PPHLN1: variants seen among roughly 807,000 people sequenced by gnomAD.
PPHLN1 encodes the protein periphilin 1, also known as periphilin-1.
In PPHLN1, 29 loss-of-function variants were observed where a neutral mutation model predicts 51.3. That is an observed-to-expected ratio of 0.57 (90% CI 0.42 to 0.77). The LOEUF is 0.77. PPHLN1 is among the 30% of genes least tolerant of loss of function. The pLI, the probability that PPHLN1 is intolerant of heterozygous loss-of-function variation, is 0.00. For missense variants in PPHLN1, 436 were observed against 438.4 expected, an observed-to-expected ratio of 0.99 and a Z score of 0.05; for synonymous variants, 147 against 147.8, an observed-to-expected ratio of 0.99 and a Z score of 0.04.
At chr12:42,427,756 G>A (rs1453119951) in intron 9 of PPHLN1, among the ~76,000 whole-genome samples, 3 of 152,156 alleles carry the variant, frequency 2.0e-5, no homozygotes, top group African/African-American at 7.2e-5. Flanking sequence ...AAGATAAATA[G>A]CTGAGACTTA....
At chr12:42,447,683 A>G (rs1450480856), downstream of PPHLN1, 6 of 152,112 alleles carry the variant, frequency 3.9e-5, no homozygotes, top group Non-Finnish European at 7.3e-5. Context: ...ATTCTCTCTC[A>G]CTTGAATTCT....
At chr12:42,360,630 G>T (rs2074566032) in intron 4 of PPHLN1, among the ~76,000 whole-genome samples, 1 of 151,728 alleles carries the variant, frequency 6.6e-6, no homozygotes, top group Non-Finnish European at 1.5e-5. Context: ...AAGTAGCTGG[G>T]ACTACAGGCG....
chr12:42,431,054 C>A (rs2081993636), intron 9 of PPHLN1, among the ~76,000 whole-genome samples: 5 of 152,160 alleles, frequency 3.3e-5, no homozygotes, highest in Admixed American at 2.6e-4. Context: ...ATACTGTACA[C>A]TTTAATAAAT....
chr12:42,348,266 C>T (rs975047149), intron 2 of PPHLN1, among the ~76,000 whole-genome samples: 1 of 134,818 alleles, frequency 7.4e-6, no homozygotes, highest in African/African-American at 2.8e-5. Context: ...ATGCACACCT[C>T]ACCTGGCTAA....
chr12:42,394,960 A>T (rs1287208979), intron 8 of PPHLN1, among the ~76,000 whole-genome samples: 2 of 152,094 alleles, frequency 1.3e-5, no homozygotes, highest in African/African-American at 4.8e-5. Context: ...TTAATACTTC[A>T]TCTCCAATTA....
downstream of PPHLN1, chr12:42,445,920 A>G: frequency 6.9e-7 from 1 of 1,452,508 alleles, no homozygotes; most frequent in Non-Finnish European, 9.1e-7. Context: ...GGCATGGTCC[A>G]AATGTTTTGC....
At chr12:42,398,206 A>G (rs997339337) in intron 8 of PPHLN1, among the ~76,000 whole-genome samples, 3 of 152,110 alleles carry the variant, frequency 2.0e-5, no homozygotes, top group African/African-American at 7.2e-5. Context: ...ATATTTATTC[A>G]TTTTTAATTA....
chr12:42,342,117 A>G (rs778379753), intron 2 of PPHLN1, among the ~76,000 whole-genome samples: 8 of 152,224 alleles, frequency 5.3e-5, no homozygotes, highest in Non-Finnish European at 1.2e-4. Flanking sequence ...CTACACTTCT[A>G]GGTACCTGTA....
intron 4 of PPHLN1, among the ~76,000 whole-genome samples, chr12:42,357,349 A>C (rs2074157398): frequency 6.6e-6 from 1 of 152,210 alleles, no homozygotes; most frequent in Non-Finnish European, 1.5e-5. Context: ...AAAGATGTGA[A>C]GACTCAAGAT....
At chr12:42,372,321 T>C (rs563900128) in intron 4 of PPHLN1, among the ~76,000 whole-genome samples, 4 of 152,290 alleles carry the variant, frequency 2.6e-5, no homozygotes, top group East Asian at 1.9e-4. Flanking sequence ...ATCCCCCAAG[T>C]GTATCCTGCC....
At chr12:42,446,407 T>C, downstream of PPHLN1, 1 of 1,417,316 alleles carries the variant, frequency 7.1e-7, no homozygotes, top group Non-Finnish European at 9.4e-7. Flanking sequence ...CGTCTAGCAG[T>C]GTGACTTTTT....
At chr12:42,434,716 C>T (rs138220748) in intron 9 of PPHLN1, among the ~76,000 whole-genome samples, 157 of 152,232 alleles carry the variant, frequency 1.0e-3, no homozygotes, top group African/African-American at 3.6e-3. Context: ...TTTTTTGAGA[C>T]GGAGTCTTGC....
At chr12:42,405,145 T>C (rs1158475487) in intron 9 of PPHLN1, among the ~76,000 whole-genome samples, 1 of 152,260 alleles carries the variant, frequency 6.6e-6, no homozygotes, top group Non-Finnish European at 1.5e-5. Context: ...GTTTTGCTTG[T>C]ATACACATAG....
At chr12:42,431,601 C>G in intron 9 of PPHLN1, 1 of 685,644 alleles carries the variant, frequency 1.5e-6, no homozygotes, top group Non-Finnish European at 2.6e-6. Context: ...CTATCTTTGG[C>G]AAGCTTGTAC....
chr12:42,331,983 T>C (rs576039230), intron 1 of PPHLN1: 2 of 152,350 alleles, frequency 1.3e-5, no homozygotes, highest in South Asian at 4.1e-4. Context: ...TCAGCTATTT[T>C]TAAATCCTTT....
chr12:42,421,224 C>G (rs1447427168), intron 9 of PPHLN1, among the ~76,000 whole-genome samples: 1 of 152,150 alleles, frequency 6.6e-6, no homozygotes, highest in Non-Finnish European at 1.5e-5. Context: ...AGAAGTGGTT[C>G]TGTCCTCAAG....
downstream of PPHLN1, chr12:42,446,066 G>GCCCCGCAGC (rs768747877): frequency 3.9e-6 from 6 of 1,546,948 alleles, no homozygotes; most frequent in East Asian, 7.4e-5. Context: ...GACCCTGCAG[G>GCCCCGCAGC]CCCCGCAGCC....
At chr12:42,338,588 G>A (rs2071035815) in intron 2 of PPHLN1, among the ~76,000 whole-genome samples, 1 of 152,128 alleles carries the variant, frequency 6.6e-6, no homozygotes, top group Admixed American at 6.5e-5. Context: ...TAGAGTGTGG[G>A]GTTTCCAAGA....
At chr12:42,356,890 G>T (rs552021986) in intron 4 of PPHLN1, among the ~76,000 whole-genome samples, 1 of 152,208 alleles carries the variant, frequency 6.6e-6, no homozygotes, top group East Asian at 1.9e-4. Context: ...AATGAAAAAC[G>T]CAACTACTTA....
Sources: gnomAD v4.1 joint callset for allele counts (sites outside exome capture counted in the v4.1 genomes callset) on GRCh38, gnomAD v4.1.1 for gene constraint, MANE v1.5 for transcripts, NCBI Gene and HGNC (gene_info 2026-07-23, HGNC 2026-07-21) for gene names.